RANBP17: variants seen among roughly 807,000 people sequenced by gnomAD.
RANBP17 encodes RAN binding protein 17.
RANBP17 carries 158 observed loss-of-function variants against 141.2 expected under a neutral mutation model. That is an observed-to-expected ratio of 1.12 (90% confidence interval 0.98 to 1.28). RANBP17 has a LOEUF of 1.28. Among genes scored for constraint, RANBP17 ranks in the 50% most tolerant of loss-of-function variants. The probability of loss-of-function intolerance (pLI) is 0.00; values close to 1 mark genes in which losing one functional copy is unlikely to be tolerated. For missense variants in RANBP17, 1,438 were observed against 1,290.7 expected, an observed-to-expected ratio of 1.11 and a Z score of -1.75; for synonymous variants, 430 against 450.0, an observed-to-expected ratio of 0.96 and a Z score of 0.56.
At chr5:171,241,649 T>G (rs1193524615) in intron 23 of RANBP17, among the ~76,000 whole-genome samples, 2 of 152,176 alleles carry the variant, frequency 1.3e-5, no homozygotes, top group African/African-American at 4.8e-5. Flanking sequence ...AAGTAGAAAC[T>G]TGAGTCAAAT....
intron 12 of RANBP17, among the ~76,000 whole-genome samples, chr5:170,929,052 T>G (rs1388625627): frequency 6.6e-6 from 1 of 152,096 alleles, no homozygotes; most frequent in Non-Finnish European, 1.5e-5. Flanking sequence ...TTCCTGATTA[T>G]TCTCTGCTAC....
At chr5:170,948,222 G>GTTTTGT (rs1272447096) in intron 12 of RANBP17, among the ~76,000 whole-genome samples, 2 of 152,130 alleles carry the variant, frequency 1.3e-5, no homozygotes, top group African/African-American at 4.8e-5. Flanking sequence ...CATAGCAAAA[G>GTTTTGT]AGGAGCTAAA....
intron 22 of RANBP17, among the ~76,000 whole-genome samples, chr5:171,228,074 A>G (rs1472547698): frequency 6.6e-6 from 1 of 152,216 alleles, no homozygotes; most frequent in African/African-American, 2.4e-5. Context: ...CCCATGGATC[A>G]AGGAGTAATT....
intron 14 of RANBP17, among the ~76,000 whole-genome samples, chr5:171,089,863 C>T (rs1472789177): frequency 6.6e-6 from 1 of 152,224 alleles, no homozygotes; most frequent in African/African-American, 2.4e-5. Context: ...CTGTCTGGCA[C>T]TCCCTAGTGA....
chr5:171,060,006 A>G (rs1783698092), intron 14 of RANBP17, among the ~76,000 whole-genome samples: 1 of 36,172 alleles, frequency 2.8e-5, no homozygotes, highest in Non-Finnish European at 5.6e-5. Context: ...ATTTTTGTAC[A>G]TTGATTTTGT....
intron 18 of RANBP17, among the ~76,000 whole-genome samples, chr5:171,186,526 C>CTATTTTTT (rs1761249487): frequency 2.4e-5 from 1 of 41,650 alleles, no homozygotes; most frequent in African/African-American, 8.9e-5. Context: ...GTATGATTTT[C>CTATTTTTT]TTTTTTTTTT....
intron 14 of RANBP17, among the ~76,000 whole-genome samples, chr5:171,063,731 C>G (rs1175476595): frequency 6.6e-6 from 1 of 152,212 alleles, no homozygotes; most frequent in African/African-American, 2.4e-5. Flanking sequence ...GAGGTTACTG[C>G]TGTCTTTTTG....
At chr5:171,275,350 T>C (rs774105311) in intron 25 of RANBP17, among the ~76,000 whole-genome samples, 6 of 152,258 alleles carry the variant, frequency 3.9e-5, no homozygotes, top group African/African-American at 1.4e-4. Context: ...TTTATACTTG[T>C]GTAATTTGTA....
chr5:171,003,851 G>C (rs1473510756), intron 14 of RANBP17, among the ~76,000 whole-genome samples: 2 of 152,126 alleles, frequency 1.3e-5, no homozygotes, highest in African/African-American at 4.8e-5. Context: ...GAGGGGTGTA[G>C]GGGAATAGTG....
At chr5:170,918,428 A>ACACACACAC (rs1554134261) in intron 9 of RANBP17, 225 of 228,984 alleles carry the variant, frequency 9.8e-4, no homozygotes, top group South Asian at 1.9e-3. Context: ...ACACACACAC[A>ACACACACAC]ACTTTTGTGT....
chr5:171,010,877 G>C (rs906231658), intron 14 of RANBP17, among the ~76,000 whole-genome samples: 2 of 152,034 alleles, frequency 1.3e-5, no homozygotes, highest in African/African-American at 4.8e-5. Context: ...ACTTGTAAGT[G>C]GGTTTACATT....
chr5:171,277,637 G>GTGTATATATATATATA (rs1437482589), intron 25 of RANBP17, among the ~76,000 whole-genome samples: 5,988 of 56,672 alleles, frequency 0.11, 1,462 homozygotes, highest in Admixed American at 0.12. Flanking sequence ...ATATATGTAT[G>GTGTATATATATATATA]TATATATATA....
intron 25 of RANBP17, chr5:171,271,743 A>G: frequency 4.7e-6 from 1 of 214,002 alleles, no homozygotes; most frequent in Admixed American, 5.8e-5. Flanking sequence ...AAAAAGTTTA[A>G]AGGAAGCCAG....
chr5:170,986,104 G>A (rs1778122871), intron 14 of RANBP17, among the ~76,000 whole-genome samples: 1 of 152,062 alleles, frequency 6.6e-6, no homozygotes, highest in Non-Finnish European at 1.5e-5. Context: ...TTGGCAGATT[G>A]TTAGTTAATA....
intron 21 of RANBP17, among the ~76,000 whole-genome samples, chr5:171,214,737 T>C (rs1290196810): frequency 1.3e-5 from 2 of 152,216 alleles, no homozygotes; most frequent in Non-Finnish European, 1.5e-5. Flanking sequence ...TTGTATTTTA[T>C]ATTAAAAATT....
intron 14 of RANBP17, among the ~76,000 whole-genome samples, chr5:171,009,458 G>T (rs181315376): frequency 6.6e-6 from 1 of 152,206 alleles, no homozygotes; most frequent in East Asian, 1.9e-4. Context: ...TAGGACCCTT[G>T]AGGTAATATA....
At chr5:171,181,316 G>A (rs1245782850) in intron 16 of RANBP17, among the ~76,000 whole-genome samples, 2 of 152,104 alleles carry the variant, frequency 1.3e-5, no homozygotes, top group Non-Finnish European at 2.9e-5. Context: ...CGGGCGTGGT[G>A]GCCCATGATT....
At chr5:171,213,608 T>C in intron 20 of RANBP17, 23 bp from the exon 21 acceptor site, 5 of 1,554,868 alleles carry the variant, frequency 3.2e-6, no homozygotes, top group Non-Finnish European at 4.4e-6. Context: ...GACCCTTAAA[T>C]TCTTTAACAG....
chr5:170,955,645 AGTG>A (rs1775614748), intron 13 of RANBP17, among the ~76,000 whole-genome samples: 1 of 34,134 alleles, frequency 2.9e-5, no homozygotes, highest in African/African-American at 1.4e-4. Context: ...ATATATGCTC[AGTG>A]TATATATATA....
Sources: gnomAD v4.1 joint callset for allele counts (sites outside exome capture counted in the v4.1 genomes callset) on GRCh38, gnomAD v4.1.1 for gene constraint, MANE v1.5 for transcripts, NCBI Gene and HGNC (gene_info 2026-07-23, HGNC 2026-07-21) for gene names.